GSG1L: variants seen among roughly 807,000 people sequenced by gnomAD.
GSG1L encodes the protein GSG1 like.
Under a neutral mutation model 42.1 loss-of-function variants are expected in GSG1L, and 24 were observed. The observed-to-expected ratio is 0.57, with a 90% confidence interval of 0.41 to 0.80. GSG1L has a LOEUF of 0.80. Among genes scored for constraint, GSG1L ranks in the 30% least tolerant of loss-of-function variants. The pLI, the probability that GSG1L is intolerant of heterozygous loss-of-function variation, is 0.00. For missense variants in GSG1L, 445 were observed against 472.2 expected (o/e 0.94, Z 0.53); for synonymous variants, 215 against 203.5 (o/e 1.06, Z -0.48).
intron 4 of GSG1L, among the ~76,000 whole-genome samples, chr16:27,843,501 C>T (rs1250642993): frequency 1.8e-5 from 2 of 113,344 alleles, no homozygotes; most frequent in African/African-American, 7.2e-5. Context: ...AGCAGAGACT[C>T]TGTAAAAAAA....
chr16:27,947,460 G>A (rs922088070), intron 2 of GSG1L, among the ~76,000 whole-genome samples: 2 of 148,022 alleles, frequency 1.4e-5, no homozygotes, highest in South Asian at 2.1e-4. Context: ...AAGGAAGAAA[G>A]GGAGGGAGAA....
intron 1 of GSG1L, among the ~76,000 whole-genome samples, chr16:28,006,235 A>C (rs1430063507): frequency 6.6e-6 from 1 of 152,176 alleles, no homozygotes; most frequent in Non-Finnish European, 1.5e-5. Flanking sequence ...AATAAGCAAA[A>C]AATGCATTCA....
intron 2 of GSG1L, among the ~76,000 whole-genome samples, chr16:27,914,819 T>C (rs377595567): frequency 2.0e-5 from 3 of 152,312 alleles, no homozygotes; most frequent in Middle Eastern, 3.4e-3. Context: ...ACCAGGCTGA[T>C]AGGTCAATCC....
chr16:27,821,974 C>T (rs1175537238), intron 5 of GSG1L, among the ~76,000 whole-genome samples: 2 of 151,976 alleles, frequency 1.3e-5, no homozygotes, highest in Non-Finnish European at 2.9e-5. Context: ...CAAAACACAT[C>T]TGCAGGCCAG....
chr16:27,901,753 C>A (rs559399097), intron 2 of GSG1L, among the ~76,000 whole-genome samples: 13 of 152,332 alleles, frequency 8.5e-5, no homozygotes, highest in Admixed American at 7.2e-4. Context: ...TCTGGTGATG[C>A]CCCGTAGTGC....
At chr16:27,957,304 A>G (rs1002686517) in intron 2 of GSG1L, among the ~76,000 whole-genome samples, 1 of 152,204 alleles carries the variant, frequency 6.6e-6, no homozygotes, top group African/African-American at 2.4e-5. Flanking sequence ...CCAAGATCAC[A>G]CTACTGCACT....
At chr16:28,031,209 A>T (rs1437310691) in intron 1 of GSG1L, among the ~76,000 whole-genome samples, 2 of 100,794 alleles carry the variant, frequency 2.0e-5, no homozygotes, top group Non-Finnish European at 3.9e-5. Flanking sequence ...ATGGGGTGGG[A>T]TGAGATGGAA....
chr16:27,869,577 C>T (rs542976171), intron 3 of GSG1L, among the ~76,000 whole-genome samples: 1 of 143,688 alleles, frequency 7.0e-6, no homozygotes, highest in Admixed American at 6.8e-5. Context: ...CTGTCTCCCT[C>T]ACTCCCTCTC....
intron 6 of GSG1L, among the ~76,000 whole-genome samples, chr16:27,799,745 A>C (rs1445541171): frequency 1.3e-5 from 2 of 152,068 alleles, no homozygotes; most frequent in East Asian, 3.9e-4. Flanking sequence ...GCTAGGAAGG[A>C]CTGGGGAAGA....
chr16:27,829,457 A>T (rs973016269), intron 4 of GSG1L, among the ~76,000 whole-genome samples: 1 of 152,170 alleles, frequency 6.6e-6, no homozygotes, highest in East Asian at 1.9e-4. Context: ...GGGGGCAGAC[A>T]CCCTAAAAGC....
At chr16:28,005,092 T>A (rs543381591) in intron 1 of GSG1L, among the ~76,000 whole-genome samples, 1 of 152,126 alleles carries the variant, frequency 6.6e-6, no homozygotes. Context: ...CTGAGGGCTG[T>A]GGGGGAAGGA....
At chr16:27,878,036 C>A (rs139086546) in intron 3 of GSG1L, among the ~76,000 whole-genome samples, 2 of 151,840 alleles carry the variant, frequency 1.3e-5, no homozygotes, top group African/African-American at 2.4e-5. Context: ...CCAGGGCCAG[C>A]GCATAGTAGC....
At chr16:27,947,700 G>A (rs1480754707) in intron 2 of GSG1L, among the ~76,000 whole-genome samples, 4 of 152,110 alleles carry the variant, frequency 2.6e-5, no homozygotes, top group African/African-American at 9.7e-5. Flanking sequence ...TGTCAGGGTC[G>A]GGCTAAGGGA....
chr16:27,891,387 A>G (rs902576614), intron 2 of GSG1L, among the ~76,000 whole-genome samples: 1 of 152,214 alleles, frequency 6.6e-6, no homozygotes, highest in African/African-American at 2.4e-5. Flanking sequence ...TTTTTAAAGC[A>G]AAGACAAGGC....
chr16:27,978,950 C>T (rs2085282143), intron 1 of GSG1L, among the ~76,000 whole-genome samples: 1 of 152,170 alleles, frequency 6.6e-6, no homozygotes, highest in Non-Finnish European at 1.5e-5. Flanking sequence ...CATGTTTTGA[C>T]ACCCACACCC....
chr16:27,987,643 A>T (rs2085400013), intron 1 of GSG1L, among the ~76,000 whole-genome samples: 1 of 152,090 alleles, frequency 6.6e-6, no homozygotes, highest in Admixed American at 6.6e-5. Context: ...GTGACTGGGG[A>T]AGACGTTAGA....
At chr16:27,887,881 T>C (rs1358139717) in intron 2 of GSG1L, among the ~76,000 whole-genome samples, 1 of 152,220 alleles carries the variant, frequency 6.6e-6, no homozygotes, top group Non-Finnish European at 1.5e-5. Flanking sequence ...TAATGTGCTC[T>C]TGGCAGCCTG....
At chr16:27,883,112 C>T (rs1349240703) in intron 3 of GSG1L, among the ~76,000 whole-genome samples, 3 of 64,250 alleles carry the variant, frequency 4.7e-5, no homozygotes, top group African/African-American at 1.6e-4. Context: ...AAGCAAGACC[C>T]AATCTCAAAA....
rs141366389 is a variant in GSG1L at position 27,810,117 on chromosome 16, T to G, written c.831-2563A>C. 5.0e-3 allele frequency among the ~76,000 whole-genome samples: 757 copies of G among 152,374 alleles called. 7 individuals are homozygous for G. Among genetic ancestry groups the G allele is most frequent in the Middle Eastern group, 0.014 (4 of 294 alleles). The stretch of plus-strand genomic sequence containing the variant: ...GATGCTGTGTGGACAGAAATGTCTC[T>G]TTCGTAACCTCTGCCCTCAGAGTCC... On this transcript the variant is annotated intron_variant, in intron 5 of 6. Coordinates refer to ENST00000447459, the MANE Select transcript of GSG1L (RefSeq NM_001109763.2).
Sources: gnomAD v4.1 joint callset for allele counts (sites outside exome capture counted in the v4.1 genomes callset) on GRCh38, gnomAD v4.1.1 for gene constraint, MANE v1.5 for transcripts, NCBI Gene and HGNC (gene_info 2026-07-23, HGNC 2026-07-21) for gene names.